Variants in ADCY9 observed in about 807,000 individuals in gnomAD.
The protein encoded by ADCY9 is adenylate cyclase 9, also known as adenylate cyclase type 9.
ADCY9 carries 50 observed loss-of-function variants against 101.5 expected under a neutral mutation model. That is an observed-to-expected ratio of 0.49 (90% CI 0.39 to 0.62). The LOEUF (loss-of-function observed/expected upper bound fraction) is 0.62. Among genes scored for constraint, ADCY9 ranks in the 20% least tolerant of loss-of-function variants. The pLI is 0.00. For missense variants in ADCY9, 1,662 were observed against 1,800.4 expected, an observed-to-expected ratio of 0.92 and a Z score of 1.39; for synonymous variants, 905 against 769.3, an observed-to-expected ratio of 1.18 and a Z score of -2.92.
chr16:4,057,294 T>A (rs1039610810), intron 2 of ADCY9, among the ~76,000 whole-genome samples: 2 of 152,092 alleles, frequency 1.3e-5, no homozygotes, highest in African/African-American at 4.8e-5. Flanking sequence ...ATCTTTTTTT[T>A]AATAACAGCT....
rs781488590 is a variant in ADCY9 at position 3,992,373 on chromosome 16, G to C, written c.1990-10C>G. 6.2e-6 allele frequency: 10 copies of C among 1,612,814 alleles called. No individual in the cohort carries two copies. The Admixed American group carries it at 1.7e-4, about 27-fold the overall frequency. On this transcript the variant is annotated splice_polypyrimidine_tract_variant and intron_variant, in intron 4 of 10. Coordinates refer to ENST00000294016, the MANE Select transcript of ADCY9 (RefSeq NM_001116.4). The surrounding 1 kb of genome is among the most constrained non-coding windows in gnomAD (Gnocchi z 4.2). The stretch of plus-strand genomic sequence containing the variant: ...TAGGTCCTCCAGAAGCCTGCCTCGA[G>C]ACAAAGAGGACGCAGACACGGGAAG...
chr16:4,089,717 C>T (rs183315761), intron 2 of ADCY9, among the ~76,000 whole-genome samples: 3 of 152,130 alleles, frequency 2.0e-5, no homozygotes, highest in East Asian at 1.9e-4. Flanking sequence ...GTCTGGGAGG[C>T]TCCCGAGACA....
At chr16:4,078,735 G>A (rs757567794) in intron 2 of ADCY9, among the ~76,000 whole-genome samples, 1 of 151,886 alleles carries the variant, frequency 6.6e-6, no homozygotes, top group South Asian at 2.1e-4. Flanking sequence ...CACATATCAA[G>A]AAATATCACG....
Position 4,007,379 on chromosome 16 carries a change from C to T in ADCY9, c.1873G>A (p.Asp625Asn). 1.3e-6 allele frequency: 2 copies of T among 1,569,090 alleles called. No homozygotes were observed. The highest frequency in any genetic ancestry group is 1.7e-6 in the Non-Finnish European group (2 of 1,162,556). The change falls in exon 3 of 11, where the codon GAT (aspartate) becomes AAT (asparagine). Residue 625 changes from aspartate (D) to asparagine (N), a missense_variant. Coordinates refer to ENST00000294016, the MANE Select transcript of ADCY9 (RefSeq NM_001116.4). ...SDLAQTVKTF[D>N]NLKTCPSCGI... ...ACAAAAAAACTAACCTTAAGGTTATCAAAGGTTTTGACAGTCTGCGCCAAG... is the reference window on the plus strand; with the variant it reads ...ACAAAAAAACTAACCTTAAGGTTATTAAAGGTTTTGACAGTCTGCGCCAAG...
intron 2 of ADCY9, among the ~76,000 whole-genome samples, chr16:4,044,173 C>T (rs2056646494): frequency 6.6e-6 from 1 of 151,934 alleles, no homozygotes; most frequent in African/African-American, 2.4e-5. Context: ...ATGGTGCAAC[C>T]CCATCTCTAC....
chr16:4,086,494 G>A (rs1334178612), intron 2 of ADCY9, among the ~76,000 whole-genome samples: 1 of 152,070 alleles, frequency 6.6e-6, no homozygotes, highest in Non-Finnish European at 1.5e-5. Context: ...TGGACGTGAG[G>A]AGACGTCAGT....
chr16:4,004,808 G>A (rs770134905), intron 3 of ADCY9, among the ~76,000 whole-genome samples: 24 of 152,164 alleles, frequency 1.6e-4, no homozygotes, highest in Non-Finnish European at 2.6e-4. Flanking sequence ...GCGGAGGCAC[G>A]GGAAGGCGTG....
At chr16:3,979,378 C>T (rs751452396) in intron 7 of ADCY9, 103 bp from the exon 8 acceptor site, 36 of 1,369,194 alleles carry the variant, frequency 2.6e-5, no homozygotes, top group Admixed American at 6.1e-5. Flanking sequence ...CTGCTCTCTC[C>T]CGTGTTGCCC....
chr16:4,107,238 A>T (rs994067491), intron 2 of ADCY9, among the ~76,000 whole-genome samples: 1 of 152,166 alleles, frequency 6.6e-6, no homozygotes, highest in Non-Finnish European at 1.5e-5. Context: ...TTCCACGTGC[A>T]TAACAGATCC....
intron 2 of ADCY9, among the ~76,000 whole-genome samples, chr16:4,081,811 AG>A (rs1273847495): frequency 4.0e-5 from 2 of 49,674 alleles, no homozygotes; most frequent in South Asian, 6.0e-4. Context: ...TAAGAGCAAG[AG>A]GGGGGCAGCA....
At position 3,965,025 on chromosome 16, in the gene ADCY9, C is replaced by A. The variant is rs1288532922; in HGVS notation, c.*750G>T. ...TCGGGGGTGAGAGGCGGCTCTGAGA[C>A]CCCCGAGGCCTGGGCACACGGGCGT... On this transcript the variant is annotated 3_prime_UTR_variant, in exon 11 of 11. Transcript: ENST00000294016. The A allele has an allele frequency of 3.9e-5, 6 of 152,272 alleles. No individual in the cohort carries two copies. The highest frequency in any genetic ancestry group is 9.6e-5 in the African/African-American group (4 of 41,462). 9.4% of individuals were successfully genotyped at this position (152,272 alleles called of 1,614,324 possible).
intron 10 of ADCY9, among the ~76,000 whole-genome samples, chr16:3,973,435 G>C (rs551857361): frequency 1.8e-3 from 273 of 152,262 alleles, no homozygotes; most frequent in African/African-American, 6.3e-3. Flanking sequence ...TTGAACTCCT[G>C]ATCTCAGGTG....
intron 2 of ADCY9, among the ~76,000 whole-genome samples, chr16:4,097,074 A>G (rs1159700608): frequency 5.3e-5 from 8 of 152,130 alleles, no homozygotes; most frequent in Non-Finnish European, 1.0e-4. Context: ...TGAAATCTCC[A>G]TCTTACAAAG....
At position 4,114,710 on chromosome 16, in the gene ADCY9, T is replaced by C; in HGVS notation, c.733A>G (p.Ser245Gly). Residue 245 changes from serine to glycine, a missense_variant, in exon 2 of 11, where the codon AGT becomes GGT. By Grantham distance (56) the Ser-to-Gly change is moderately conservative (BLOSUM62 0). Transcript: ENST00000294016. The surrounding 1 kb of genome is among the most constrained non-coding windows in gnomAD (Gnocchi z 4.3). ...GAGTAGGCCACCCCCAGACACAAACTCAGGTACAAAGGTAAGTGCATGACG... is the reference window on the plus strand; with the variant it reads ...GAGTAGGCCACCCCCAGACACAAACCCAGGTACAAAGGTAAGTGCATGACG... ...YTVMHLPLYLSLCLGVAYSVL... is the reference protein window; with the variant it reads ...YTVMHLPLYLGLCLGVAYSVL... 1 of 1,612,860 alleles carries C rather than the reference T, an allele frequency of 6.2e-7. No homozygotes were observed. Among genetic ancestry groups the C allele is most frequent in the Non-Finnish European group, 8.5e-7 (1 of 1,179,986 alleles).
intron 2 of ADCY9, among the ~76,000 whole-genome samples, chr16:4,111,451 C>G (rs967045426): frequency 7.2e-5 from 11 of 152,108 alleles, no homozygotes; most frequent in African/African-American, 2.7e-4. Context: ...GCCACCAGCC[C>G]AAAGGCAGAG....
intron 10 of ADCY9, among the ~76,000 whole-genome samples, chr16:3,967,425 T>G (rs1597132589): frequency 6.6e-6 from 1 of 152,122 alleles, no homozygotes; most frequent in African/African-American, 2.4e-5. Flanking sequence ...AGAGACATGG[T>G]TGTTGTCCAG....
chr16:3,968,855 C>A (rs1207418521), intron 10 of ADCY9, among the ~76,000 whole-genome samples: 2 of 149,236 alleles, frequency 1.3e-5, no homozygotes, highest in Admixed American at 1.3e-4. Context: ...TTTTTTTTTT[C>A]TTTTTTTTGA....
Position 3,981,488 on chromosome 16 carries a change from T to C in ADCY9, c.2519+1744A>G, listed in dbSNP as rs968953149. On this transcript the variant is annotated intron_variant, in intron 7 of 10. Transcript: ENST00000294016. ...TGGGGTGATGGAGGTGCCCGATAGTTACATAGTGGTGATATTCATACAATT... is the reference window on the plus strand; with the variant it reads ...TGGGGTGATGGAGGTGCCCGATAGTCACATAGTGGTGATATTCATACAATT... Among the ~76,000 whole-genome samples, 3 of 151,758 alleles carry C rather than the reference T, an allele frequency of 2.0e-5. 1 individual carries two copies. The South Asian group carries it at 6.3e-4, about 32-fold the overall frequency.
At chr16:4,085,363 A>G (rs1252107337) in intron 2 of ADCY9, among the ~76,000 whole-genome samples, 6 of 152,190 alleles carry the variant, frequency 3.9e-5, no homozygotes, top group African/African-American at 1.2e-4. Context: ...CTCTGCCTCA[A>G]AAATGAAGGA....
Sources: gnomAD v4.1 joint callset for allele counts (sites outside exome capture counted in the v4.1 genomes callset) on GRCh38, gnomAD v4.1.1 for gene constraint, Gnocchi (gnomAD v3.1) non-coding constraint, MANE v1.5 for transcripts, NCBI Gene and HGNC (gene_info 2026-07-23, HGNC 2026-07-21) for gene names.